Variants in NDST4 observed in about 807,000 individuals in gnomAD.
NDST4 encodes the protein N-heparan sulfate sulfotransferase 4.
NDST4 carries 63 observed loss-of-function variants against 100.8 expected under a neutral mutation model. That is an observed-to-expected ratio of 0.62 (90% CI 0.51 to 0.77). The LOEUF (loss-of-function observed/expected upper bound fraction) is 0.77. Among genes scored for constraint, NDST4 ranks in the 30% least tolerant of loss-of-function variants. The pLI is 0.00. For synonymous variants in NDST4, 377 were observed against 361.8 expected (o/e 1.04, Z -0.48); for missense variants, 943 against 1,018.4 (o/e 0.93, Z 1.01).
At chr4:114,881,212 T>C (rs577857013) in intron 6 of NDST4, among the ~76,000 whole-genome samples, 85 of 151,794 alleles carry the variant, frequency 5.6e-4, no homozygotes, top group African/African-American at 2.0e-3. Flanking sequence ...AGGTGGGGAG[T>C]CATTTAGAAG....
At chr4:114,842,433 T>C (rs920388325) in intron 10 of NDST4, among the ~76,000 whole-genome samples, 7 of 151,478 alleles carry the variant, frequency 4.6e-5, no homozygotes, top group Admixed American at 1.3e-4. Context: ...AACATAGGCC[T>C]GTTGATAGAA....
chr4:115,031,842 G>A (rs1231855215), intron 2 of NDST4, among the ~76,000 whole-genome samples: 1 of 151,978 alleles, frequency 6.6e-6, no homozygotes, highest in Non-Finnish European at 1.5e-5. Context: ...TTTGGGATGT[G>A]TCAGCATCTA....
chr4:114,898,480 G>A (rs1375112604), intron 6 of NDST4, among the ~76,000 whole-genome samples: 1 of 152,078 alleles, frequency 6.6e-6, no homozygotes, highest in African/African-American at 2.4e-5. Context: ...TTGAAGTCGG[G>A]TAGTGTCCGT....
At chr4:114,859,525 C>T (rs867840204) in intron 7 of NDST4, among the ~76,000 whole-genome samples, 1 of 152,190 alleles carries the variant, frequency 6.6e-6, no homozygotes, top group Non-Finnish European at 1.5e-5. Flanking sequence ...CTTTTCTCCA[C>T]TGAATGCATC....
At chr4:115,014,660 A>G (rs545446064) in intron 2 of NDST4, among the ~76,000 whole-genome samples, 63 of 152,148 alleles carry the variant, frequency 4.1e-4, no homozygotes, top group African/African-American at 1.5e-3. Flanking sequence ...TATCAAATCA[A>G]TGGTGCTTGG....
At chr4:114,954,184 TA>T in intron 4 of NDST4, among the ~76,000 whole-genome samples, 1 of 152,102 alleles carries the variant, frequency 6.6e-6, no homozygotes, top group East Asian at 1.9e-4. Context: ...TTGGTTTTTT[TA>T]AACTTAATTT....
rs983350256 is a variant in NDST4, at chr4:114,836,132, G to A, written c.2287-2417C>T. 2.0e-5 allele frequency among the ~76,000 whole-genome samples: 3 copies of A among 152,276 alleles called. No homozygotes were observed. In the Middle Eastern group the frequency reaches 0.01, roughly 518 times the overall value. ...TTACATTTAAGGTTAATATTGTTAT[G>A]TATGAATTTGATTCTGTTATCATGA... On this transcript the variant is annotated intron_variant, in intron 11 of 13. Transcript: ENST00000264363.
At chr4:115,037,294 A>G (rs2126272437) in intron 2 of NDST4, among the ~76,000 whole-genome samples, 1 of 152,266 alleles carries the variant, frequency 6.6e-6, no homozygotes, top group South Asian at 2.1e-4. Flanking sequence ...AGCAAAATGT[A>G]CCACTTGGGA....
rs1441637137 is a variant in NDST4 at position 115,077,164 on chromosome 4, T to G, written c.-128A>C. On this transcript the variant is annotated 5_prime_UTR_variant, in exon 2 of 14. Transcript: ENST00000264363. Reference sequence around the variant, plus strand: ...TGTAACCATCGCAAATCATGTAAAATGTTTGAAGGGAGCACAACTGAGTTA... The same window carrying G: ...TGTAACCATCGCAAATCATGTAAAAGGTTTGAAGGGAGCACAACTGAGTTA... 2 of 901,176 alleles carry G rather than the reference T, an allele frequency of 2.2e-6. No individual in the cohort carries two copies. The highest frequency in any genetic ancestry group is 1.6e-6 in the Non-Finnish European group (1 of 612,864). The allele number at this position is 901,176 out of a possible 1,614,324, so 55.8% of individuals were successfully genotyped here.
chr4:114,990,125 A>C lies in NDST4; in HGVS notation c.979-12851T>G, dbSNP rs115299652. Among the ~76,000 whole-genome samples, 901 of 152,234 alleles carry C rather than the reference A, an allele frequency of 5.9e-3. 15 individuals carry two copies. Among genetic ancestry groups the C allele is most frequent in the African/African-American group, 0.021 (859 of 41,530 alleles). On this transcript the variant is annotated intron_variant, in intron 2 of 13. Coordinates refer to ENST00000264363, the MANE Select transcript of NDST4 (RefSeq NM_022569.3). ...TTGAAGAAAAGATGATAGAATGAGT[A>C]ATCAAGCAAAATAACTATCCTAATT...
At chr4:115,024,183 G>T (rs571490844) in intron 2 of NDST4, among the ~76,000 whole-genome samples, 1 of 152,118 alleles carries the variant, frequency 6.6e-6, no homozygotes, top group African/African-American at 2.4e-5. Flanking sequence ...AAAAACACAG[G>T]AGTGAAGCCA....
intron 1 of NDST4, among the ~76,000 whole-genome samples, chr4:115,107,642 C>T (rs1341303194): frequency 6.6e-6 from 1 of 152,082 alleles, no homozygotes; most frequent in Non-Finnish European, 1.5e-5. Context: ...ATAGCACTCA[C>T]AGGCACTACT....
intron 2 of NDST4, among the ~76,000 whole-genome samples, chr4:115,027,278 C>T (rs1438112929): frequency 2.0e-5 from 3 of 152,082 alleles, no homozygotes; most frequent in South Asian, 2.1e-4. Flanking sequence ...GACTTCATAC[C>T]GTCTGGGATG....
chr4:115,061,608 C>T (rs949119029), intron 2 of NDST4, among the ~76,000 whole-genome samples: 4 of 141,128 alleles, frequency 2.8e-5, no homozygotes, highest in African/African-American at 8.7e-5. Context: ...GAACATCACA[C>T]ATTGGGGTCT....
chr4:114,927,759 A>G (rs1725414811), intron 6 of NDST4, among the ~76,000 whole-genome samples: 2 of 152,140 alleles, frequency 1.3e-5, no homozygotes, highest in African/African-American at 4.8e-5. Flanking sequence ...GATGTCATAC[A>G]TTGTCTACAG....
chr4:115,106,156 AG>A (rs944417107), intron 1 of NDST4, among the ~76,000 whole-genome samples: 5 of 152,124 alleles, frequency 3.3e-5, no homozygotes, highest in Admixed American at 6.6e-5. Context: ...ATGGGGGAAG[AG>A]GAAGGTCATA....
intron 6 of NDST4, among the ~76,000 whole-genome samples, chr4:114,880,619 T>C (rs1021055549): frequency 1.2e-4 from 19 of 152,108 alleles, no homozygotes; most frequent in Admixed American, 5.3e-4. Flanking sequence ...AATCAACCAA[T>C]TGAGAAACAT....
chr4:114,834,059 C>T (rs992642090), intron 11 of NDST4, among the ~76,000 whole-genome samples: 3 of 152,144 alleles, frequency 2.0e-5, no homozygotes, highest in African/African-American at 7.2e-5. Flanking sequence ...TACCAAATTC[C>T]TATTAGCTAA....
At chr4:114,955,072 C>T (rs1398057032) in intron 4 of NDST4, among the ~76,000 whole-genome samples, 2 of 152,106 alleles carry the variant, frequency 1.3e-5, no homozygotes, top group African/African-American at 4.8e-5. Flanking sequence ...ATTCCCCAGT[C>T]TCAAGTATTT....
Sources: gnomAD v4.1 joint callset for allele counts (sites outside exome capture counted in the v4.1 genomes callset) on GRCh38, gnomAD v4.1.1 for gene constraint, MANE v1.5 for transcripts, NCBI Gene and HGNC (gene_info 2026-07-23, HGNC 2026-07-21) for gene names.